The following CTSG variants were observed in gnomAD, a reference collection of about 807,000 sequenced individuals.
CTSG encodes the protein cathepsin G.
CTSG carries 23 observed loss-of-function variants against 23.0 expected under a neutral mutation model. The ratio of observed to expected loss-of-function variants is 1.00; its 90% CI spans 0.72 to 1.42. The LOEUF (loss-of-function observed/expected upper bound fraction) is 1.42. CTSG is among the 40% of genes most tolerant of loss of function. CTSG has a pLI of 0.00. For synonymous variants in CTSG, 140 were observed against 130.4 expected (o/e 1.07, Z -0.50); for missense variants, 312 against 326.2 (o/e 0.96, Z 0.33).
At chr14:24,576,051 A>G in intron 1 of CTSG, 118 bp downstream of exon 1, 1 of 794,998 alleles carries the variant, frequency 1.3e-6, no homozygotes, top group Non-Finnish European at 2.1e-6. Flanking sequence ...TTTATAGATG[A>G]GGAAACACAA....
rs757748807 is a variant in CTSG, at chr14:24,574,304, A to G, written c.535T>C (p.Tyr179His). Residue 179 changes from tyrosine to histidine, a missense_variant, in exon 4 of 5, where the codon TAC (tyrosine) becomes CAC (histidine). Physicochemically the swap from Tyr to His is moderately conservative, Grantham distance 83 (BLOSUM62 2). Coordinates refer to ENST00000216336, the MANE Select transcript of CTSG (RefSeq NM_001911.3). ...ACACAAATCTGCCTTCGGGGGTCGT[A>G]GGAACCGAAGATGCGGAGGCACTGC... is the stretch of plus-strand genomic sequence containing the variant. ...DRQCLRIFGS[Y>H]DPRRQICVGD... The G allele has an allele frequency of 6.2e-7, 1 of 1,601,614 alleles. No individual in the cohort carries two copies. Among genetic ancestry groups the G allele is most frequent in the Non-Finnish European group, 8.5e-7 (1 of 1,179,896 alleles).
rs149063733 is a variant in CTSG, at chr14:24,575,365, T to C, written c.103A>G (p.Met35Val). 1.9e-5 allele frequency: 30 copies of C among 1,614,154 alleles called. No individual in the cohort carries two copies. The highest frequency in any genetic ancestry group is 3.3e-4 in the Middle Eastern group (2 of 6,062). The change falls in exon 2 of 5, where the codon ATG becomes GTG. Residue 35 changes from methionine to valine, a missense_variant. Coordinates refer to ENST00000216336, the MANE Select transcript of CTSG (RefSeq NM_001911.3). ...RESRPHSRPYMAYLQIQSPAG... is the reference protein window; with the variant it reads ...RESRPHSRPYVAYLQIQSPAG... ...GGACTCTGGATCTGAAGATACGCCA[T>C]GTAGGGGCGGGAGTGGGGCCTGCTC...
At position 24,573,824 on chromosome 14, in the gene CTSG, G is replaced by A. The variant is rs1170590406; in HGVS notation, c.595-14C>T. 3 of 1,607,572 alleles carry A rather than the reference G, an allele frequency of 1.9e-6. No individual in the cohort carries two copies. Among genetic ancestry groups the A allele is most frequent in the Admixed American group, 3.4e-5 (2 of 59,518 alleles). ...TCCGGAATCCCCCTGTAGGTAGAGAGGAGAAGGGAGACTGAGACAGGCCTC... is the reference window on the plus strand; with the variant it reads ...TCCGGAATCCCCCTGTAGGTAGAGAAGAGAAGGGAGACTGAGACAGGCCTC... On this transcript the variant is annotated splice_polypyrimidine_tract_variant and intron_variant, in intron 4 of 4. Transcript: ENST00000216336.
chr14:24,574,841 A>G (rs773085005), intron 2 of CTSG, 31 bp from the exon 3 acceptor site: 5 of 1,612,146 alleles, frequency 3.1e-6, no homozygotes, highest in East Asian at 2.2e-5. Flanking sequence ...TCTGGGCTGC[A>G]GGAGCTATGG....
chr14:24,575,514 G>A, intron 1 of CTSG, 102 bp from the exon 2 acceptor site: 11 of 1,271,866 alleles, frequency 8.6e-6, no homozygotes, highest in Non-Finnish European at 1.2e-5. Context: ...GACGGCAGGA[G>A]AGAGGGTGCA....
chr14:24,573,654 T>C lies in CTSG; in HGVS notation c.751A>G (p.Met251Val), dbSNP rs376237567. ...TMRSFKLLDQ[M>V]ETPL is the part of the protein sequence containing the mutation. ...AGAGTCAGTCACAGGGGGGTCTCCATCTGATCCAGCAGTTTGAAGCTTCTC... is the reference window on the plus strand; with the variant it reads ...AGAGTCAGTCACAGGGGGGTCTCCACCTGATCCAGCAGTTTGAAGCTTCTC... The change falls in exon 5 of 5, where the codon ATG becomes GTG. Residue 251 changes from methionine to valine, a missense_variant. By Grantham distance (21) the Met-to-Val change is conservative (BLOSUM62 1). Coordinates refer to ENST00000216336, the MANE Select transcript of CTSG (RefSeq NM_001911.3). 58 of 1,613,884 alleles carry C rather than the reference T, an allele frequency of 3.6e-5. No homozygotes were observed. In the African/African-American group the frequency reaches 7.7e-4, roughly 22 times the overall value.
chr14:24,575,393 C>G lies in CTSG; in HGVS notation c.75G>C (p.Arg25=). 13 of 1,614,192 alleles carry G rather than the reference C, an allele frequency of 8.1e-6. No homozygotes were observed. Among genetic ancestry groups the G allele is most frequent in the Non-Finnish European group, 1.1e-5 (13 of 1,180,018 alleles). The change falls in exon 2 of 5, where the codon CGG becomes CGC. Residue 25 remains arginine (R), a synonymous_variant. Coordinates refer to ENST00000216336, the MANE Select transcript of CTSG (RefSeq NM_001911.3). ...AGGGGCGGGAGTGGGGCCTGCTCTC[C>G]CGGCCTCCGATGATCTCCCCTGGAA... ...GAEAGEIIGG[R]ESRPHSRPYM...
intron 2 of CTSG, 184 bp downstream of exon 2, chr14:24,575,081 T>C (rs2066735208): frequency 1.4e-6 from 1 of 714,438 alleles, no homozygotes; most frequent in South Asian, 1.9e-5. Flanking sequence ...TCTCTTCCTC[T>C]TGCTCTTTTT....
In CTSG at chr14:24,574,322, G is replaced by A; in HGVS notation, c.517C>T (p.Leu173Phe). 1 of 1,603,988 alleles carries A rather than the reference G, an allele frequency of 6.2e-7. No homozygotes were observed. The highest frequency in any genetic ancestry group is 8.5e-7 in the Non-Finnish European group (1 of 1,179,942). ...GGGTCGTAGGAACCGAAGATGCGGA[G>A]GCACTGCCTATCCCTCTGCACTCTC... is the stretch of plus-strand genomic sequence containing the variant. ...QLRVQRDRQCLRIFGSYDPRR... is the reference protein window; with the variant it reads ...QLRVQRDRQCFRIFGSYDPRR... The change falls in exon 4 of 5, where the codon CTC becomes TTC. Residue 173 changes from leucine (L) to phenylalanine (F), a missense_variant. Coordinates refer to ENST00000216336, the MANE Select transcript of CTSG (RefSeq NM_001911.3).
chr14:24,574,456 G>C lies in CTSG; in HGVS notation c.383C>G (p.Ala128Gly). 1 of 1,613,974 alleles carries C rather than the reference G, an allele frequency of 6.2e-7. No homozygotes were observed. The highest frequency in any genetic ancestry group is 8.5e-7 in the Non-Finnish European group (1 of 1,180,032). The change falls in exon 4 of 5, where the codon GCT becomes GGT. Residue 128 changes from alanine (A) to glycine (G), a missense_variant. By Grantham distance (60) the Ala-to-Gly change is moderately conservative. Coordinates refer to ENST00000216336, the MANE Select transcript of CTSG (RefSeq NM_001911.3). ...VRRNRNVNPV[A>G]LPRAQEGLRP... is the part of the protein sequence containing the mutation. ...CAGTCCCTCCTGGGCTCTAGGCAGA[G>C]CCACTGGGTTCACGTTTCGATTCCG... is the stretch of plus-strand genomic sequence containing the variant.
intron 3 of CTSG, 32 bp downstream of exon 3, chr14:24,574,642 TA>T: frequency 6.2e-7 from 1 of 1,613,980 alleles, no homozygotes. Flanking sequence ...CCGGACACAC[TA>T]GGAAGGAGCC....
intron 1 of CTSG, 48 bp from the exon 2 acceptor site, chr14:24,575,460 A>G (rs370807183): frequency 2.2e-5 from 35 of 1,608,276 alleles, no homozygotes; most frequent in Non-Finnish European, 3.0e-5. Context: ...TGAACCTGCA[A>G]TGTGGGTACC....
rs2066733282 is a variant in CTSG at position 24,574,755 on chromosome 14, G to T, written c.259C>A (p.Gln87Lys). 2 of 1,614,172 alleles carry T rather than the reference G, an allele frequency of 1.2e-6. No individual in the cohort carries two copies. The highest frequency in any genetic ancestry group is 1.7e-6 in the Non-Finnish European group (2 of 1,180,042). The change falls in exon 3 of 5, where the codon CAA becomes AAA. Residue 87 changes from glutamine to lysine, a missense_variant. Physicochemically the swap from Gln to Lys is moderately conservative, Grantham distance 53. Transcript: ENST00000216336. The part of the protein sequence containing the change: ...HNIQRRENTQ[Q>K]HITARRAIRH... ...ATGGCTCTGCGCGCAGTGATGTGTT[G>T]CTGGGTGTTTTCCCGTCTCTGGATA... is the stretch of plus-strand genomic sequence containing the variant.
At chr14:24,574,521 TC>T in intron 3 of CTSG, 22 bp from the exon 4 acceptor site, 1 of 1,613,370 alleles carries the variant, frequency 6.2e-7, no homozygotes. Flanking sequence ...ATGTAGGCGT[TC>T]CCGCTCAGCT....
Position 24,573,554 on chromosome 14 carries a change from T to G in CTSG, c.*83A>C. 7.6e-7 allele frequency: 1 copy of G among 1,317,700 alleles called. No individual in the cohort carries two copies. The highest frequency in any genetic ancestry group is 1.5e-5 in the African/African-American group (1 of 67,340). 81.6% of individuals were successfully genotyped at this position (1,317,700 alleles called of 1,614,324 possible). On this transcript the variant is annotated 3_prime_UTR_variant, in exon 5 of 5. Coordinates refer to ENST00000216336, the MANE Select transcript of CTSG (RefSeq NM_001911.3). The stretch of plus-strand genomic sequence containing the variant: ...TGACGTTTAATGAACAAATGAGGAA[T>G]TGGTTATTTATACTCTGTGGACGTT...
intron 4 of CTSG, 124 bp downstream of exon 4, chr14:24,574,121 C>T (rs982671648): frequency 7.8e-7 from 1 of 1,283,606 alleles, no homozygotes; most frequent in African/African-American, 1.5e-5. Flanking sequence ...ATGGGGAAAA[C>T]AATCCCCAGC....
At position 24,574,424 on chromosome 14, in the gene CTSG, CG is replaced by C. The variant is rs750576166; in HGVS notation, c.414del (p.Thr140ArgfsTer13). ...ALPRAQEGLR[P>X]GTLCTVAGWG... ...CAGCCGGCCACAGTGCACAGCGTCCCGGGTCTCAGTCCCTCCTGGGCTCTAG... is the reference window on the plus strand; with the variant it reads ...CAGCCGGCCACAGTGCACAGCGTCCCGGTCTCAGTCCCTCCTGGGCTCTAG... On this transcript the variant is annotated frameshift_variant, in exon 4 of 5. Transcript: ENST00000216336. LOFTEE classifies it high-confidence loss of function. The C allele has an allele frequency of 8.1e-6, 13 of 1,613,584 alleles. No individual in the cohort carries two copies. The South Asian group carries it at 1.2e-4, about 15-fold the overall frequency.
intron 1 of CTSG, 107 bp downstream of exon 1, chr14:24,576,062 A>G: frequency 1.1e-6 from 1 of 896,656 alleles, no homozygotes; most frequent in African/African-American, 1.7e-5. Context: ...GGAAACACAA[A>G]TTCAAATAAC....
intron 1 of CTSG, 126 bp from the exon 2 acceptor site, chr14:24,575,538 A>T (rs999984503): frequency 3.9e-6 from 4 of 1,024,220 alleles, no homozygotes; most frequent in African/African-American, 3.1e-5. Context: ...GAGGGAGGAG[A>T]TGGTGCTGAG....
Sources: allele counts gnomAD v4.1 joint callset, GRCh38; gene constraint gnomAD v4.1.1; transcripts MANE v1.5; gene names NCBI Gene and HGNC (gene_info 2026-07-23, HGNC 2026-07-21).